CEP170B: variants seen among roughly 807,000 people sequenced by gnomAD.
The protein encoded by CEP170B is centrosomal protein 170B.
In CEP170B, 55 loss-of-function variants were observed where a neutral mutation model predicts 120.6. The observed-to-expected ratio is 0.46, with a 90% CI of 0.37 to 0.57. The LOEUF (loss-of-function observed/expected upper bound fraction) is 0.57. CEP170B is among the 20% of genes least tolerant of loss of function. The pLI is 0.00. For synonymous variants in CEP170B, 1,033 were observed against 954.5 expected (o/e 1.08, Z -1.52); for missense variants, 2,212 against 2,253.3 (o/e 0.98, Z 0.37).
At position 104,877,880 on chromosome 14, in the gene CEP170B, T is replaced by A; in HGVS notation, c.196-5T>A. On this transcript the variant is annotated splice_polypyrimidine_tract_variant and splice_region_variant and intron_variant, in intron 3 of 18. Coordinates refer to ENST00000414716, the MANE Select transcript of CEP170B (RefSeq NM_001112726.3). ...CCCCCCCCCCCGCCACCTGTTTTCC[T>A]GCAGACGTTTGTGAATGACATGCGC... 4.5e-6 allele frequency: 4 copies of A among 883,736 alleles called. No individual in the cohort carries two copies. The highest frequency in any genetic ancestry group is 6.5e-6 in the Non-Finnish European group (4 of 619,412). 54.7% of individuals were successfully genotyped at this position (883,736 alleles called of 1,614,324 possible).
rs555070588 is a variant in CEP170B, at chr14:104,891,455, C to T, written c.3879-1521C>T. ...CAGGCGGCCCTTAGAGAGTGGCCCA[C>T]ACTGGGGTGGAGGCGCAGGCACCTG... On this transcript the variant is annotated intron_variant, in intron 13 of 18. Transcript: ENST00000414716. The surrounding 1 kb of genome is among the most constrained non-coding windows in gnomAD (Gnocchi z 4.3). Among the ~76,000 whole-genome samples the T allele has an allele frequency of 6.6e-6, 1 of 152,094 alleles. No homozygotes were observed. Among genetic ancestry groups the T allele is most frequent in the East Asian group, 1.9e-4 (1 of 5,174 alleles).
At position 104,887,523 on chromosome 14, in the gene CEP170B, A is replaced by T. The variant is rs201888328; in HGVS notation, c.3284A>T (p.Gln1095Leu). ...CCATCCCCAGCTGCCCGGGAGGAGCAGAGCCGTAGCTCAGCCAGCTCCCAG... is the reference window on the plus strand; with the variant it reads ...CCATCCCCAGCTGCCCGGGAGGAGCTGAGCCGTAGCTCAGCCAGCTCCCAG... ...PPPSPAAREE[Q>L]SRSSASSQKG... The change falls in exon 12 of 19, where the codon CAG becomes CTG. Residue 1095 changes from glutamine to leucine, a missense_variant. Transcript: ENST00000414716. 63 of 1,611,382 alleles carry T rather than the reference A, an allele frequency of 3.9e-5. No homozygotes were observed. In the African/African-American group the frequency reaches 6.9e-4, roughly 18 times the overall value.
Position 104,894,529 on chromosome 14 carries a change from G to A in CEP170B, c.4366-8G>A, listed in dbSNP as rs568757300. 31 of 1,610,752 alleles carry A rather than the reference G, an allele frequency of 1.9e-5. 1 individual carries two copies. In the Middle Eastern group the frequency reaches 9.9e-4, roughly 51 times the overall value. ...TTGACTCCACCTCCCTTCCTGCCAC[G>A]TTTCCAGGAAATCAGCTCCATCCTG... On this transcript the variant is annotated splice_polypyrimidine_tract_variant and splice_region_variant and intron_variant, in intron 17 of 18. Coordinates refer to ENST00000414716, the MANE Select transcript of CEP170B (RefSeq NM_001112726.3).
intron 2 of CEP170B, among the ~76,000 whole-genome samples, chr14:104,874,060 C>T (rs556002389): frequency 3.3e-5 from 5 of 152,318 alleles, no homozygotes; most frequent in South Asian, 4.1e-4. Context: ...TGGGGCCTGG[C>T]CCTCAGGGCT....
rs1287358991 is a variant in CEP170B, at chr14:104,886,338, G to A, written c.2099G>A (p.Arg700Gln). The change falls in exon 12 of 19, where the codon CGG (arginine) becomes CAG (glutamine). Residue 700 changes from arginine to glutamine, a missense_variant. By Grantham distance (43) the Arg-to-Gln change is conservative. This residue lies in a region of CEP170B where 2,166 missense variants were observed against 2,166.7 expected (regional missense o/e 1.00). Coordinates refer to ENST00000414716, the MANE Select transcript of CEP170B (RefSeq NM_001112726.3). The stretch of plus-strand genomic sequence containing the variant: ...TCCCTGCCTGTGCGCATGCGGCGAC[G>A]GCTCCCTCAGCTGCCCAGTGAGAGG... ...EGSLPVRMRR[R>Q]LPQLPSERAD... 5.8e-6 allele frequency: 9 copies of A among 1,563,888 alleles called. No homozygotes were observed. Among genetic ancestry groups the A allele is most frequent in the East Asian group, 2.3e-5 (1 of 42,746 alleles).
In CEP170B at chr14:104,886,147, C is replaced by A; in HGVS notation, c.2035+17C>A. 1 of 1,520,966 alleles carries A rather than the reference C, an allele frequency of 6.6e-7. No homozygotes were observed. The allele number at this position is 1,520,966 out of a possible 1,614,324, so 94.2% of individuals were successfully genotyped here. A position where few individuals can be genotyped will look rare whatever the true frequency, so the allele number is the denominator to read the frequency against. On this transcript the variant is annotated intron_variant, in intron 11 of 18. Transcript: ENST00000414716. ...GCCTCACAGGTAAGTGGCTCCAGTGCTGCGGGGGAGTCGGGCCAGGCCGGG... is the reference window on the plus strand; with the variant it reads ...GCCTCACAGGTAAGTGGCTCCAGTGATGCGGGGGAGTCGGGCCAGGCCGGG...
intron 10 of CEP170B, among the ~76,000 whole-genome samples, 199 bp from the exon 11 acceptor site, chr14:104,885,841 G>A (rs77707059): frequency 0.016 from 2,389 of 152,346 alleles, 38 homozygotes; most frequent in African/African-American, 0.038. Flanking sequence ...AGGGGGTCGC[G>A]TTGGAGCAAG....
chr14:104,880,443 G>C lies in CEP170B; in HGVS notation c.472+18G>C, dbSNP rs199800202. The stretch of plus-strand genomic sequence containing the variant: ...AGGAACAGGTAGGCCCAGGCAGTGC[G>C]GATGGGGTGAGCACACAGGGCCACT... On this transcript the variant is annotated intron_variant, in intron 6 of 18. Transcript: ENST00000414716. 1.7e-5 allele frequency: 28 copies of C among 1,608,784 alleles called. 1 individual carries two copies. Among genetic ancestry groups the C allele is most frequent in the Non-Finnish European group, 2.4e-5 (28 of 1,178,498 alleles).
intron 1 of CEP170B, among the ~76,000 whole-genome samples, chr14:104,866,633 T>C (rs527762174): frequency 1.8e-4 from 27 of 152,310 alleles, no homozygotes; most frequent in Admixed American, 1.7e-3. Flanking sequence ...TCTTCCCACC[T>C]CCCTGCCCAA....
chr14:104,883,151 G>A lies in CEP170B; in HGVS notation c.694G>A (p.Glu232Lys), dbSNP rs2140687110. 1 of 1,608,080 alleles carries A rather than the reference G, an allele frequency of 6.2e-7. No homozygotes were observed. Among genetic ancestry groups the A allele is most frequent in the East Asian group, 2.2e-5 (1 of 44,764 alleles). The change falls in exon 8 of 19, where the codon GAG becomes AAG. Residue 232 changes from glutamate to lysine, a missense_variant. Transcript: ENST00000414716. Reference protein sequence around the residue: ...EPSYFEIPTKETPQPSQPPEV... With the variant: ...EPSYFEIPTKKTPQPSQPPEV... The stretch of plus-strand genomic sequence containing the variant: ...CAGCTACTTCGAGATCCCCACGAAG[G>A]AGACCCCGCAGCCGTCGCAGCCCCC...
intron 13 of CEP170B, among the ~76,000 whole-genome samples, chr14:104,890,566 G>GTGGGTGGGTGGATGGA (rs1555394102): frequency 1.3e-5 from 1 of 78,076 alleles, no homozygotes; most frequent in African/African-American, 5.6e-5. Context: ...GGGTGGGTGG[G>GTGGGTGGGTGGATGGA]TGGATGGATG....
chr14:104,879,379 TC>T (rs1460172021), intron 5 of CEP170B, among the ~76,000 whole-genome samples: 1 of 152,054 alleles, frequency 6.6e-6, no homozygotes, highest in African/African-American at 2.4e-5. Context: ...CGGATTTGAG[TC>T]CTTCAAGGTG....
chr14:104,878,780 G>T (rs1895993221), intron 5 of CEP170B, among the ~76,000 whole-genome samples: 1 of 152,238 alleles, frequency 6.6e-6, no homozygotes, highest in East Asian at 1.9e-4. Flanking sequence ...CAGCATCCGG[G>T]CTCTGGGAGG....
rs1895281577 is a variant in CEP170B at position 104,868,035 on chromosome 14, G to C, written c.-27-389G>C. On this transcript the variant is annotated intron_variant, in intron 1 of 18. Coordinates refer to ENST00000414716, the MANE Select transcript of CEP170B (RefSeq NM_001112726.3). The surrounding 1 kb of genome is among the most constrained non-coding windows in gnomAD (Gnocchi z 5.9). ...CATGGGGACCCTGATGGGCTATGCT[G>C]GGTCCTACCCATGAGCTGCTCCTGA... 6.6e-6 allele frequency among the ~76,000 whole-genome samples: 1 copy of C among 152,114 alleles called. No individual in the cohort carries two copies. The highest frequency in any genetic ancestry group is 2.1e-4 in the South Asian group (1 of 4,828).
chr14:104,887,956 A>C lies in CEP170B; in HGVS notation c.3717A>C (p.Ser1239=). 6.6e-7 allele frequency: 1 copy of C among 1,521,914 alleles called. No individual in the cohort carries two copies. Among genetic ancestry groups the C allele is most frequent in the Non-Finnish European group, 8.8e-7 (1 of 1,136,768 alleles). The allele number at this position is 1,521,914 out of a possible 1,614,324, so 94.3% of individuals were successfully genotyped here. ...GCCAGCCCTTCAGCAGGGCCCGCTC[A>C]GGCAGTGCCCGATACACCTCCAGTG... The part of the protein sequence containing the change: ...GPRQPFSRAR[S]GSARYTSTTQ... Residue 1239 remains serine, a synonymous_variant, in exon 12 of 19, where the codon TCA becomes TCC. Coordinates refer to ENST00000414716, the MANE Select transcript of CEP170B (RefSeq NM_001112726.3).
chr14:104,871,515 G>A (rs1238838925), intron 2 of CEP170B, among the ~76,000 whole-genome samples: 3 of 151,904 alleles, frequency 2.0e-5, no homozygotes, highest in Non-Finnish European at 2.9e-5. Flanking sequence ...CTGTCCCAGC[G>A]CCCCCTCCAC....
rs1480680522 is a variant in CEP170B at position 104,868,036 on chromosome 14, G to T, written c.-27-388G>T. 1.3e-5 allele frequency among the ~76,000 whole-genome samples: 2 copies of T among 152,068 alleles called. No homozygotes were observed. The highest frequency in any genetic ancestry group is 2.9e-5 in the Non-Finnish European group (2 of 68,000). Reference sequence around the variant, plus strand: ...ATGGGGACCCTGATGGGCTATGCTGGGTCCTACCCATGAGCTGCTCCTGAT... The same window carrying T: ...ATGGGGACCCTGATGGGCTATGCTGTGTCCTACCCATGAGCTGCTCCTGAT... On this transcript the variant is annotated intron_variant, in intron 1 of 18. Coordinates refer to ENST00000414716, the MANE Select transcript of CEP170B (RefSeq NM_001112726.3). The surrounding 1 kb of genome is among the most constrained non-coding windows in gnomAD (Gnocchi z 5.9).
intron 2 of CEP170B, among the ~76,000 whole-genome samples, chr14:104,875,089 C>G (rs1317919035): frequency 2.0e-5 from 3 of 152,236 alleles, no homozygotes; most frequent in Non-Finnish European, 4.4e-5. Flanking sequence ...TGTGGTGGGG[C>G]AGTGATGGCC....
rs1896322167 is a variant in CEP170B at position 104,884,183 on chromosome 14, G to A, written c.1404G>A (p.Lys468=). The A allele has an allele frequency of 1.9e-6, 3 of 1,546,678 alleles. No homozygotes were observed. Among genetic ancestry groups the A allele is most frequent in the East Asian group, 4.9e-5 (2 of 41,176 alleles). Residue 468 remains lysine (K), a synonymous_variant, in exon 9 of 19, where the codon AAG becomes AAA. Transcript: ENST00000414716. ...SSGPQRAGSL[K]REKTEERLGS... ...GGCCACAGAGGGCCGGCTCGCTCAA[G>A]CGGGAGAAGACAGAGGAACGGCTGG...
Sources: allele counts gnomAD v4.1 joint callset (sites outside exome capture counted in the v4.1 genomes callset), GRCh38; gene constraint gnomAD v4.1.1; regional missense constraint gnomAD v4.1.1; non-coding constraint Gnocchi (gnomAD v3.1); transcripts MANE v1.5; gene names NCBI Gene and HGNC (gene_info 2026-07-23, HGNC 2026-07-21).